VSTM2L: variants seen among roughly 807,000 people sequenced by gnomAD.
VSTM2L encodes the protein V-set and transmembrane domain-containing protein 2-like protein.
Under a neutral mutation model 19.9 loss-of-function variants are expected in VSTM2L, and 9 were observed. The observed-to-expected ratio is 0.45, with a 90% CI of 0.27 to 0.79. VSTM2L has a LOEUF of 0.79. VSTM2L is among the 30% of genes least tolerant of loss of function. The pLI is 0.15. For synonymous variants in VSTM2L, 127 were observed against 133.8 expected, an observed-to-expected ratio of 0.95 and a Z score of 0.35; for missense variants, 286 against 295.5, an observed-to-expected ratio of 0.97 and a Z score of 0.24.
chr20:37,940,488 C>T (rs938008134), intron 3 of VSTM2L, among the ~76,000 whole-genome samples: 2 of 152,242 alleles, frequency 1.3e-5, no homozygotes, highest in African/African-American at 4.8e-5. Flanking sequence ...CTCTTCTTCC[C>T]TTCCCTGTGG....
chr20:37,914,765 A>C (rs1161428792), intron 1 of VSTM2L, among the ~76,000 whole-genome samples: 3 of 152,192 alleles, frequency 2.0e-5, no homozygotes, highest in Non-Finnish European at 2.9e-5. Context: ...ACTGAGGCTT[A>C]GAGAGGCGTG....
chr20:37,933,932 A>G (rs980908761), intron 3 of VSTM2L, among the ~76,000 whole-genome samples: 1 of 152,220 alleles, frequency 6.6e-6, no homozygotes, highest in African/African-American at 2.4e-5. Context: ...TTGGCCTATC[A>G]TGACTGACTG....
At position 37,945,246 on chromosome 20, in the gene VSTM2L, G is replaced by C; in HGVS notation, c.*993G>C. On this transcript the variant is annotated 3_prime_UTR_variant, in exon 4 of 4. Coordinates refer to ENST00000373461, the MANE Select transcript of VSTM2L (RefSeq NM_080607.3). ...GCTGCCGCAGCTCAGTGATGACGTG[G>C]GGGAGGTGGGAGAGGCCGAGGGCTT... 1.0e-6 allele frequency: 1 copy of C among 985,546 alleles called. No individual in the cohort carries two copies. Among genetic ancestry groups the C allele is most frequent in the Non-Finnish European group, 1.2e-6 (1 of 830,002 alleles). The allele number at this position is 985,546 out of a possible 1,614,324, so 61.1% of individuals were successfully genotyped here. A position where few individuals can be genotyped will look rare whatever the true frequency, so the allele number is the denominator to read the frequency against.
chr20:37,928,310 T>C (rs148159013), intron 1 of VSTM2L, among the ~76,000 whole-genome samples: 10 of 152,276 alleles, frequency 6.6e-5, no homozygotes, highest in Non-Finnish European at 1.3e-4. Context: ...GGCTCCTCAC[T>C]ATCTCCTTGT....
intron 1 of VSTM2L, among the ~76,000 whole-genome samples, chr20:37,911,182 A>G (rs2072777334): frequency 7.2e-6 from 1 of 139,854 alleles, no homozygotes; most frequent in African/African-American, 2.7e-5. Context: ...GAGGCAGAGA[A>G]TTGCTTGAAT....
intron 1 of VSTM2L, among the ~76,000 whole-genome samples, chr20:37,913,977 C>T (rs887999435): frequency 5.9e-5 from 9 of 151,962 alleles, no homozygotes; most frequent in Non-Finnish European, 1.2e-4. Context: ...TGGATGCGGG[C>T]GTGCACGGAC....
rs1484341047 is a variant in VSTM2L, at chr20:37,943,916, C to CT, written c.343-65_343-64insT. ...TAGCATGCGATCTTGGGACCCCCCC[C>CT]CCCGACTCTTCTTCTCCCCCACTGT... On this transcript the variant is annotated intron_variant, in intron 3 of 3. Transcript: ENST00000373461. 4.7e-6 allele frequency: 4 copies of CT among 850,786 alleles called. 1 individual carries two copies. The highest frequency in any genetic ancestry group is 6.2e-6 in the Non-Finnish European group (4 of 642,644). 52.7% of individuals were successfully genotyped at this position (850,786 alleles called of 1,614,324 possible). A position where few individuals can be genotyped will look rare whatever the true frequency, so the allele number is the denominator to read the frequency against.
intron 3 of VSTM2L, among the ~76,000 whole-genome samples, chr20:37,939,871 C>T (rs1186805372): frequency 2.0e-5 from 3 of 152,168 alleles, no homozygotes; most frequent in Non-Finnish European, 2.9e-5. Context: ...TCCCTCCCTG[C>T]GGTGCTCCCT....
At chr20:37,918,526 G>C (rs1224794415) in intron 1 of VSTM2L, among the ~76,000 whole-genome samples, 1 of 152,196 alleles carries the variant, frequency 6.6e-6, no homozygotes, top group Non-Finnish European at 1.5e-5. Flanking sequence ...TATTTTTACA[G>C]TTACCCTCTA....
At chr20:37,928,658 G>C (rs879937634) in intron 1 of VSTM2L, among the ~76,000 whole-genome samples, 1 of 152,184 alleles carries the variant, frequency 6.6e-6, no homozygotes, top group African/African-American at 2.4e-5. Flanking sequence ...GGGGGGCTGA[G>C]GTGAGAGGAT....
At position 37,909,055 on chromosome 20, in the gene VSTM2L, G is replaced by C. The variant is rs147742148; in HGVS notation, c.121+5584G>C. ...ACTTGAACTGAAGAATCTGGCTTCAGGGCTGGGAGTCCAAGGAAAGAGGAG... is the reference window on the plus strand; with the variant it reads ...ACTTGAACTGAAGAATCTGGCTTCACGGCTGGGAGTCCAAGGAAAGAGGAG... On this transcript the variant is annotated intron_variant, in intron 1 of 3. Coordinates refer to ENST00000373461, the MANE Select transcript of VSTM2L (RefSeq NM_080607.3). Among the ~76,000 whole-genome samples, 559 of 152,288 alleles carry C rather than the reference G, an allele frequency of 3.7e-3. 6 individuals are homozygous for C. The highest frequency in any genetic ancestry group is 0.012 in the African/African-American group (501 of 41,546).
chr20:37,906,684 C>T (rs771699936), intron 1 of VSTM2L, among the ~76,000 whole-genome samples: 4 of 152,240 alleles, frequency 2.6e-5, no homozygotes, highest in Non-Finnish European at 5.9e-5. Context: ...CATCTGGCAG[C>T]TCTGGGACTG....
chr20:37,938,502 C>T (rs1404356127), intron 3 of VSTM2L, among the ~76,000 whole-genome samples: 1 of 152,208 alleles, frequency 6.6e-6, no homozygotes, highest in Non-Finnish European at 1.5e-5. Context: ...GTTGGCATCA[C>T]GAGTACAAAT....
chr20:37,931,626 C>T lies in VSTM2L; in HGVS notation c.122-9C>T. ...AGCCCCGCCATTCTTCCCCCTGTTTCTTGCACAGCCCTGTTCACAGAGACA... is the reference window on the plus strand; with the variant it reads ...AGCCCCGCCATTCTTCCCCCTGTTTTTTGCACAGCCCTGTTCACAGAGACA... On this transcript the variant is annotated splice_polypyrimidine_tract_variant and intron_variant, in intron 1 of 3. Coordinates refer to ENST00000373461, the MANE Select transcript of VSTM2L (RefSeq NM_080607.3). 1 of 1,608,302 alleles carries T rather than the reference C, an allele frequency of 6.2e-7. No individual in the cohort carries two copies. Among genetic ancestry groups the T allele is most frequent in the Middle Eastern group, 1.7e-4 (1 of 6,042 alleles).
At chr20:37,914,866 G>A (rs777340515) in intron 1 of VSTM2L, among the ~76,000 whole-genome samples, 2 of 152,236 alleles carry the variant, frequency 1.3e-5, no homozygotes, top group Non-Finnish European at 2.9e-5. Flanking sequence ...TGTCTCTTGG[G>A]ATGGGGGTGG....
At chr20:37,919,891 G>A (rs949228276) in intron 1 of VSTM2L, among the ~76,000 whole-genome samples, 5 of 152,196 alleles carry the variant, frequency 3.3e-5, no homozygotes, top group African/African-American at 1.2e-4. Context: ...CACTTCCTCT[G>A]TGAAATGGGG....
chr20:37,907,890 G>C (rs1453658901), intron 1 of VSTM2L, among the ~76,000 whole-genome samples: 2 of 152,154 alleles, frequency 1.3e-5, no homozygotes, highest in African/African-American at 2.4e-5. Flanking sequence ...AATGACTCTG[G>C]CTTCCTCGCA....
intron 1 of VSTM2L, among the ~76,000 whole-genome samples, chr20:37,924,677 C>T (rs769112716): frequency 5.1e-4 from 48 of 94,946 alleles, no homozygotes; most frequent in Non-Finnish European, 8.8e-4. Flanking sequence ...TCATCATAAT[C>T]AGCAGCAGCA....
At chr20:37,937,637 G>A (rs547555090) in intron 3 of VSTM2L, among the ~76,000 whole-genome samples, 3 of 152,286 alleles carry the variant, frequency 2.0e-5, no homozygotes, top group Admixed American at 6.5e-5. Context: ...TAAATCGCTC[G>A]TGGTTGGAAG....
Sources: gnomAD v4.1 joint callset for allele counts (sites outside exome capture counted in the v4.1 genomes callset) on GRCh38, gnomAD v4.1.1 for gene constraint, MANE v1.5 for transcripts, NCBI Gene and HGNC (gene_info 2026-07-23, HGNC 2026-07-21) for gene names.